AK7: variants seen among roughly 807,000 people sequenced by gnomAD.
AK7 encodes ATP-AMP transphosphorylase 7.
A neutral mutation model predicts 96.6 loss-of-function variants in AK7; 78 were observed. The observed-to-expected ratio is 0.81, with a 90% CI of 0.67 to 0.97. The LOEUF (loss-of-function observed/expected upper bound fraction) is 0.97, where lower values mean the gene tolerates loss of function less well. AK7 is among the 50% of genes least tolerant of loss of function. The pLI is 0.00. For synonymous variants in AK7, 302 were observed against 317.2 expected (o/e 0.95, Z 0.51); for missense variants, 855 against 887.9 (o/e 0.96, Z 0.47).
At chr14:96,480,536 C>T (rs934001863) in intron 15 of AK7, among the ~76,000 whole-genome samples, 7 of 152,158 alleles carry the variant, frequency 4.6e-5, no homozygotes, top group Non-Finnish European at 8.8e-5. Flanking sequence ...CATGTTTCTG[C>T]ATGTTGGACA....
At chr14:96,396,380 A>G (rs1248181557) in intron 1 of AK7, among the ~76,000 whole-genome samples, 3 of 152,220 alleles carry the variant, frequency 2.0e-5, no homozygotes, top group Non-Finnish European at 2.9e-5. Context: ...TAGGCTTACA[A>G]TCCAGTTGGG....
Position 96,437,826 on chromosome 14 carries a change from A to G in AK7, c.610-9A>G. ...ATCCAGCTTTTTTTTTCTGTATTTTATCTAATAGGCCAGAAAATTTGCAGC... is the reference window on the plus strand; with the variant it reads ...ATCCAGCTTTTTTTTTCTGTATTTTGTCTAATAGGCCAGAAAATTTGCAGC... On this transcript the variant is annotated splice_polypyrimidine_tract_variant and intron_variant, in intron 5 of 17. Transcript: ENST00000267584. The G allele has an allele frequency of 1.3e-6, 2 of 1,599,226 alleles. No individual in the cohort carries two copies. The highest frequency in any genetic ancestry group is 1.7e-6 in the Non-Finnish European group (2 of 1,172,492).
intron 15 of AK7, among the ~76,000 whole-genome samples, chr14:96,481,554 C>T (rs747982615): frequency 6.6e-6 from 1 of 151,944 alleles, no homozygotes; most frequent in Admixed American, 6.6e-5. Context: ...CCACGTTGGC[C>T]AGGCTGGTCT....
At chr14:96,466,061 T>C (rs565914593) in intron 12 of AK7, among the ~76,000 whole-genome samples, 1 of 148,072 alleles carries the variant, frequency 6.8e-6, no homozygotes, top group African/African-American at 2.5e-5. Context: ...GAAGGAACAA[T>C]TGGAGGAAGT....
At chr14:96,411,208 A>AAAGAAAG (rs1276506333) in intron 4 of AK7, among the ~76,000 whole-genome samples, 2 of 152,146 alleles carry the variant, frequency 1.3e-5, no homozygotes, top group African/African-American at 4.8e-5. Context: ...AAAAACTTTA[A>AAAGAAAG]TTTTTTAAAA....
intron 5 of AK7, among the ~76,000 whole-genome samples, chr14:96,427,548 A>T (rs1352623765): frequency 1.3e-5 from 2 of 152,222 alleles, no homozygotes; most frequent in Non-Finnish European, 2.9e-5. Flanking sequence ...TGGAGATTAC[A>T]ATTCGACGTG....
At chr14:96,444,874 C>T (rs368427355) in intron 7 of AK7, among the ~76,000 whole-genome samples, 15 of 152,230 alleles carry the variant, frequency 9.9e-5, no homozygotes, top group Admixed American at 3.3e-4. Flanking sequence ...CCGGCCACCA[C>T]GCCTGGCTAT....
rs761645646 is a variant in AK7, at chr14:96,478,692, T to A, written c.1753+30T>A. On this transcript the variant is annotated intron_variant, in intron 15 of 17. Transcript: ENST00000267584. The stretch of plus-strand genomic sequence containing the variant: ...GAAATGAATTCAAGGATAATGTGAA[T>A]GTCCAGGACCCCCAGCAAAGCTTGG... 8.7e-6 allele frequency: 14 copies of A among 1,605,146 alleles called. No homozygotes were observed. The Admixed American group carries it at 1.7e-4, about 19-fold the overall frequency.
chr14:96,424,913 T>G (rs973605707), intron 5 of AK7, among the ~76,000 whole-genome samples: 10 of 152,222 alleles, frequency 6.6e-5, no homozygotes, highest in Non-Finnish European at 1.2e-4. Flanking sequence ...AAAGCTGATT[T>G]AACTGAATAA....
intron 5 of AK7, among the ~76,000 whole-genome samples, chr14:96,431,563 G>A (rs1050844221): frequency 1.3e-5 from 2 of 151,796 alleles, no homozygotes; most frequent in African/African-American, 2.4e-5. Context: ...CATGTTATGC[G>A]GTTTTGAGTG....
intron 16 of AK7, among the ~76,000 whole-genome samples, chr14:96,484,149 G>A (rs78709471): frequency 0.034 from 5,147 of 152,182 alleles, 133 homozygotes; most frequent in African/African-American, 0.066. Flanking sequence ...GCTTAAGCCT[G>A]GAGGATTGTT....
intron 16 of AK7, 104 bp from the exon 17 acceptor site, chr14:96,486,794 G>T: frequency 4.0e-6 from 4 of 1,011,446 alleles, no homozygotes; most frequent in African/African-American, 1.6e-5. Context: ...ATCATAGATG[G>T]TGACCATTTC....
Position 96,456,422 on chromosome 14 carries a change from A to G in AK7, c.1174A>G (p.Lys392Glu). Residue 392 changes from lysine (K) to glutamate (E), a missense_variant, in exon 11 of 18, where the codon AAA (lysine) becomes GAA (glutamate). Transcript: ENST00000267584. ...TGCTAAAGAATTGGCCAACTACTAC[A>G]AACTGCATCACATCCAACTGAAGGA... ...SIAKELANYYKLHHIQLKDVI... is the reference protein window; with the variant it reads ...SIAKELANYYELHHIQLKDVI... 1 of 1,614,004 alleles carries G rather than the reference A, an allele frequency of 6.2e-7. No homozygotes were observed. The highest frequency in any genetic ancestry group is 8.5e-7 in the Non-Finnish European group (1 of 1,179,924).
intron 5 of AK7, among the ~76,000 whole-genome samples, chr14:96,424,752 C>A (rs1489318801): frequency 6.6e-6 from 1 of 152,186 alleles, no homozygotes; most frequent in African/African-American, 2.4e-5. Flanking sequence ...TGTTATTAAA[C>A]TTCTGGGCTT....
chr14:96,463,719 CAAAAAAA>C (rs35376666), intron 12 of AK7, among the ~76,000 whole-genome samples: 2 of 83,776 alleles, frequency 2.4e-5, no homozygotes, highest in African/African-American at 9.9e-5. Context: ...TACTCTGTCT[CAAAAAAA>C]AAAAAAAAAA....
At chr14:96,479,229 ACAG>A (rs1895373096) in intron 15 of AK7, among the ~76,000 whole-genome samples, 1 of 151,988 alleles carries the variant, frequency 6.6e-6, no homozygotes. Flanking sequence ...GGTGCACACC[ACAG>A]TGCCCGGCTA....
In AK7 at chr14:96,488,628, CTAA is replaced by C. The variant is rs1438680030; in HGVS notation, c.*287_*289del. 7.2e-5 allele frequency: 20 copies of C among 278,902 alleles called. No individual in the cohort carries two copies. Among genetic ancestry groups the C allele is most frequent in the Non-Finnish European group, 1.3e-4 (19 of 147,244 alleles). The allele number at this position is 278,902 out of a possible 1,614,324, so 17.3% of individuals were successfully genotyped here. ...GATCTAAATATACCGCTTCTGTACACTAATGTTTATAGGTATTTATAGCATGAA... is the reference window on the plus strand; with the variant it reads ...GATCTAAATATACCGCTTCTGTACACTGTTTATAGGTATTTATAGCATGAA... On this transcript the variant is annotated 3_prime_UTR_variant, in exon 18 of 18. Coordinates refer to ENST00000267584, the MANE Select transcript of AK7 (RefSeq NM_152327.5).
chr14:96,400,497 G>T (rs1890347250), intron 2 of AK7, among the ~76,000 whole-genome samples: 1 of 152,312 alleles, frequency 6.6e-6, no homozygotes, highest in African/African-American at 2.4e-5. Context: ...GTAGCTAGTG[G>T]CCCAGAAGTG....
chr14:96,482,727 G>A (rs1035758822), intron 15 of AK7, among the ~76,000 whole-genome samples: 10 of 151,988 alleles, frequency 6.6e-5, no homozygotes, highest in East Asian at 3.9e-4. Context: ...TACTTTTCAG[G>A]CAATCCATTC....
Sources: allele counts gnomAD v4.1 joint callset (sites outside exome capture counted in the v4.1 genomes callset), GRCh38; gene constraint gnomAD v4.1.1; transcripts MANE v1.5; gene names NCBI Gene and HGNC (gene_info 2026-07-23, HGNC 2026-07-21).